The following LRRC4C variants were observed in gnomAD, a reference collection of about 807,000 sequenced individuals.
The protein encoded by LRRC4C is leucine-rich repeat-containing protein 4C.
A neutral mutation model predicts 33.6 loss-of-function variants in LRRC4C; 5 were observed. The ratio of observed to expected loss-of-function variants is 0.15; its 90% CI spans 0.08 to 0.31. The LOEUF (loss-of-function observed/expected upper bound fraction) is 0.31, where lower values mean the gene tolerates loss of function less well. Ranked by LOEUF, LRRC4C falls within the 10% of genes least tolerant of loss-of-function variation. LRRC4C has a pLI of 1.00. For missense variants in LRRC4C, 560 were observed against 796.7 expected (o/e 0.70, Z 3.58); for synonymous variants, 329 against 302.0 (o/e 1.09, Z -0.93).
intron 1 of LRRC4C, among the ~76,000 whole-genome samples, chr11:41,081,927 A>G (rs892864210): frequency 2.0e-5 from 3 of 152,186 alleles, no homozygotes; most frequent in African/African-American, 7.2e-5. Context: ...AGATGTATTT[A>G]TACCGTACAG....
At chr11:41,437,499 C>T (rs1040391691) in intron 1 of LRRC4C, among the ~76,000 whole-genome samples, 1 of 151,908 alleles carries the variant, frequency 6.6e-6, no homozygotes, top group African/African-American at 2.4e-5. Context: ...TTTAGTGCTT[C>T]AAAGATAGGA....
At chr11:40,329,254 A>G (rs571726235) in intron 3 of LRRC4C, among the ~76,000 whole-genome samples, 1 of 152,358 alleles carries the variant, frequency 6.6e-6, no homozygotes, top group South Asian at 2.1e-4. Flanking sequence ...TACTTGGGCA[A>G]GCTAGTCATG....
intron 3 of LRRC4C, among the ~76,000 whole-genome samples, chr11:40,605,185 T>G (rs1042624100): frequency 3.9e-5 from 6 of 152,044 alleles, no homozygotes; most frequent in Non-Finnish European, 8.8e-5. Context: ...AAGAGTAGCA[T>G]CAGCAAGGGA....
chr11:40,495,422 T>C (rs556007960), intron 3 of LRRC4C, among the ~76,000 whole-genome samples: 4 of 152,216 alleles, frequency 2.6e-5, no homozygotes, highest in Middle Eastern at 3.4e-3. Flanking sequence ...CAAATAACCT[T>C]TGAGTAGATT....
chr11:41,280,565 AG>A (rs758311685), intron 1 of LRRC4C, among the ~76,000 whole-genome samples: 20 of 152,244 alleles, frequency 1.3e-4, no homozygotes, highest in Non-Finnish European at 2.6e-4. Context: ...TTTATGATAT[AG>A]GCATGCAGAT....
intron 1 of LRRC4C, among the ~76,000 whole-genome samples, chr11:41,003,001 TTATG>T (rs1194070798): frequency 1.3e-5 from 2 of 152,184 alleles, no homozygotes; most frequent in Non-Finnish European, 2.9e-5. Context: ...TACATTATAG[TTATG>T]TATGTGTATA....
chr11:41,272,168 C>A (rs1036338376), intron 1 of LRRC4C, among the ~76,000 whole-genome samples: 1 of 152,114 alleles, frequency 6.6e-6, no homozygotes, highest in African/African-American at 2.4e-5. Flanking sequence ...TTTAGTCAAA[C>A]CCCTTTCAGG....
chr11:40,900,532 A>G (rs1956155609), intron 2 of LRRC4C, among the ~76,000 whole-genome samples: 2 of 152,066 alleles, frequency 1.3e-5, no homozygotes, highest in Non-Finnish European at 2.9e-5. Flanking sequence ...GCTATGTTAA[A>G]TCATGGTTTC....
At chr11:40,993,771 C>A (rs565468040) in intron 1 of LRRC4C, among the ~76,000 whole-genome samples, 1 of 152,190 alleles carries the variant, frequency 6.6e-6, no homozygotes, top group South Asian at 2.1e-4. Flanking sequence ...CATTTTGGTT[C>A]ATTTAACAGT....
At chr11:41,427,017 G>A (rs149657163) in intron 1 of LRRC4C, among the ~76,000 whole-genome samples, 1 of 152,270 alleles carries the variant, frequency 6.6e-6, no homozygotes, top group Non-Finnish European at 1.5e-5. Flanking sequence ...GCAATTTACA[G>A]AACCAATTTG....
At chr11:41,249,013 A>G (rs974861169) in intron 1 of LRRC4C, among the ~76,000 whole-genome samples, 2 of 150,400 alleles carry the variant, frequency 1.3e-5, no homozygotes, top group Non-Finnish European at 3.0e-5. Context: ...AGCCACTGTT[A>G]TCTCCCTGGT....
At chr11:40,583,776 G>T (rs77907789) in intron 3 of LRRC4C, among the ~76,000 whole-genome samples, 2 of 151,898 alleles carry the variant, frequency 1.3e-5, no homozygotes, top group East Asian at 3.9e-4. Flanking sequence ...TAAATACACA[G>T]AAGTCAAGAT....
At chr11:41,038,235 A>C (rs1857217609) in intron 1 of LRRC4C, among the ~76,000 whole-genome samples, 1 of 152,200 alleles carries the variant, frequency 6.6e-6, no homozygotes, top group Non-Finnish European at 1.5e-5. Flanking sequence ...TTGCTGCTCC[A>C]ATACCTTCAA....
chr11:40,458,548 C>T (rs915556749), intron 3 of LRRC4C, among the ~76,000 whole-genome samples: 3 of 152,172 alleles, frequency 2.0e-5, no homozygotes, highest in African/African-American at 7.2e-5. Flanking sequence ...TGAAGTTTCT[C>T]TGTTCTTTCT....
intron 1 of LRRC4C, among the ~76,000 whole-genome samples, chr11:41,412,187 C>A (rs1048930723): frequency 6.6e-6 from 1 of 152,150 alleles, no homozygotes; most frequent in Admixed American, 6.5e-5. Flanking sequence ...AACCCACCAG[C>A]ACTATGACCC....
At chr11:40,517,891 T>A (rs1955637474) in intron 3 of LRRC4C, among the ~76,000 whole-genome samples, 1 of 152,118 alleles carries the variant, frequency 6.6e-6, no homozygotes, top group Non-Finnish European at 1.5e-5. Context: ...CAAAACAGCA[T>A]GGTACTGGTA....
intron 2 of LRRC4C, among the ~76,000 whole-genome samples, chr11:40,693,134 A>G (rs1177823620): frequency 6.6e-6 from 1 of 152,092 alleles, no homozygotes; most frequent in Non-Finnish European, 1.5e-5. Flanking sequence ...ACCTCTGCAC[A>G]CTTACATACA....
chr11:40,833,406 A>G (rs1952508008), intron 2 of LRRC4C, among the ~76,000 whole-genome samples: 2 of 152,132 alleles, frequency 1.3e-5, no homozygotes, highest in African/African-American at 4.8e-5. Flanking sequence ...TCAAGTATAT[A>G]TTTTATTTCA....
At chr11:41,429,788 T>G (rs943908027) in intron 1 of LRRC4C, among the ~76,000 whole-genome samples, 3 of 152,038 alleles carry the variant, frequency 2.0e-5, no homozygotes, top group Non-Finnish European at 2.9e-5. Context: ...CCGTCTGGTG[T>G]TTGAAACTCA....
Sources: allele counts gnomAD v4.1 joint callset (sites outside exome capture counted in the v4.1 genomes callset), GRCh38; gene constraint gnomAD v4.1.1; transcripts MANE v1.5; gene names NCBI Gene and HGNC (gene_info 2026-07-23, HGNC 2026-07-21).